Variants in RTTN observed in about 807,000 individuals in gnomAD.
RTTN encodes rotatin.
In RTTN, 182 loss-of-function variants were observed where a neutral mutation model predicts 269.2. The ratio of observed to expected loss-of-function variants is 0.68; its 90% CI spans 0.60 to 0.76. The LOEUF (loss-of-function observed/expected upper bound fraction) is 0.76, where lower values mean the gene tolerates loss of function less well. Among genes scored for constraint, RTTN ranks in the 30% least tolerant of loss-of-function variants. The pLI, the probability that RTTN is intolerant of heterozygous loss-of-function variation, is 0.00. For missense variants in RTTN, 2,545 were observed against 2,608.6 expected (o/e 0.98, Z 0.53); for synonymous variants, 1,006 against 963.5 (o/e 1.04, Z -0.82).
chr18:70,150,378 G>A (rs751667346), intron 15 of RTTN, among the ~76,000 whole-genome samples: 9 of 152,112 alleles, frequency 5.9e-5, no homozygotes, highest in Admixed American at 2.0e-4. Context: ...GATGAAAAAT[G>A]TAAGTAAACT....
chr18:70,050,273 A>G (rs2057621670), intron 39 of RTTN, among the ~76,000 whole-genome samples: 1 of 152,252 alleles, frequency 6.6e-6, no homozygotes, highest in South Asian at 2.1e-4. Flanking sequence ...GGATACGAAC[A>G]GACACTTCTC....
chr18:70,160,279 A>T (rs1235912537), intron 14 of RTTN, among the ~76,000 whole-genome samples: 1 of 152,138 alleles, frequency 6.6e-6, no homozygotes, highest in Non-Finnish European at 1.5e-5. Context: ...TTGATTCAAC[A>T]TATGCAAATC....
At chr18:70,135,431 T>C (rs1187711414) in intron 21 of RTTN, 151 bp from the exon 22 acceptor site, 5 of 541,464 alleles carry the variant, frequency 9.2e-6, no homozygotes, top group Admixed American at 7.7e-5. Context: ...CTCAAACTTG[T>C]GGATGTACAA....
At chr18:70,024,511 C>A (rs922485816) in intron 44 of RTTN, among the ~76,000 whole-genome samples, 2 of 152,182 alleles carry the variant, frequency 1.3e-5, no homozygotes, top group East Asian at 1.9e-4. Flanking sequence ...CTATTCCCTG[C>A]GCTGCCAATG....
At position 70,003,109 on chromosome 18, in the gene RTTN, T is replaced by G. The variant is rs1285163351; in HGVS notation, c.*1042A>C. 1 of 139,870 alleles carries G rather than the reference T, an allele frequency of 7.1e-6. No individual in the cohort carries two copies. The highest frequency in any genetic ancestry group is 1.5e-5 in the Non-Finnish European group (1 of 65,772). The allele number at this position is 139,870 out of a possible 1,614,324, so 8.7% of individuals were successfully genotyped here. A position where few individuals can be genotyped will look rare whatever the true frequency, so the allele number is the denominator to read the frequency against. On this transcript the variant is annotated 3_prime_UTR_variant, in exon 49 of 49. Transcript: ENST00000640769. The stretch of plus-strand genomic sequence containing the variant: ...TGGAATGCAGTGGCATGATCTCAGC[T>G]CACTGCAACCTCCCTGCCTCCCAGG...
rs553439133 is a variant in RTTN at position 70,109,258 on chromosome 18, G to A, written c.3903+240C>T. Among the ~76,000 whole-genome samples the A allele has an allele frequency of 1.1e-4, 17 of 152,174 alleles. No homozygotes were observed. In the East Asian group the frequency reaches 1.4e-3, roughly 12 times the overall value. On this transcript the variant is annotated intron_variant, in intron 28 of 48. Coordinates refer to ENST00000640769, the MANE Select transcript of RTTN (RefSeq NM_173630.4). ...AATCCAAAATCTGAAATGCTCTAGC[G>A]AACACTTCCTTTGAGCATCAAAAGT...
intron 14 of RTTN, among the ~76,000 whole-genome samples, chr18:70,151,693 A>G (rs1313966978): frequency 1.3e-5 from 2 of 152,146 alleles, no homozygotes; most frequent in Admixed American, 6.6e-5. Context: ...GCTGTCACCT[A>G]CTTCCTTAAG....
intron 40 of RTTN, among the ~76,000 whole-genome samples, chr18:70,044,330 G>C (rs1332025756): frequency 1.3e-5 from 2 of 152,022 alleles, no homozygotes; most frequent in African/African-American, 4.8e-5. Flanking sequence ...CAAATATAAG[G>C]AGCAAAATTA....
chr18:70,067,981 T>C (rs1408112754), intron 34 of RTTN, among the ~76,000 whole-genome samples: 1 of 152,210 alleles, frequency 6.6e-6, no homozygotes, highest in African/African-American at 2.4e-5. Flanking sequence ...CCCCATGTGG[T>C]TGGGGAAACA....
chr18:70,136,904 T>C (rs2060137493), intron 21 of RTTN, among the ~76,000 whole-genome samples: 1 of 152,058 alleles, frequency 6.6e-6, no homozygotes, highest in South Asian at 2.1e-4. Context: ...TGCAGTAGTT[T>C]TTAGGGTTTT....
At chr18:70,099,363 T>G (rs1230342356) in intron 28 of RTTN, among the ~76,000 whole-genome samples, 1 of 152,234 alleles carries the variant, frequency 6.6e-6, no homozygotes, top group Non-Finnish European at 1.5e-5. Flanking sequence ...ATGTGTCTGT[T>G]GGCTGCATAA....
intron 11 of RTTN, among the ~76,000 whole-genome samples, chr18:70,170,411 A>C (rs74669318): frequency 6.6e-6 from 1 of 152,248 alleles, no homozygotes; most frequent in African/African-American, 2.4e-5. Flanking sequence ...GGAACAGAGA[A>C]GTAATGGGGA....
Position 70,028,777 on chromosome 18 carries a change from T to A in RTTN, c.5770A>T (p.Ser1924Cys). 6.2e-7 allele frequency: 1 copy of A among 1,611,684 alleles called. No homozygotes were observed. The highest frequency in any genetic ancestry group is 1.7e-4 in the Middle Eastern group (1 of 6,022). ...TTTCTTAGGAGCTGCATGGCAATGC[T>A]TAACTCTTTAATAACACCATCCTCC... ...KKEDGVIKEL[S>C]IAMQLLRNCL... Residue 1924 changes from serine (S) to cysteine (C), a missense_variant, in exon 43 of 49, where the codon AGC (serine) becomes TGC (cysteine). Coordinates refer to ENST00000640769, the MANE Select transcript of RTTN (RefSeq NM_173630.4).
chr18:70,205,030 T>G (rs781554281), intron 2 of RTTN, 98 bp downstream of exon 2: 29 of 1,267,122 alleles, frequency 2.3e-5, no homozygotes, highest in Non-Finnish European at 3.0e-5. Flanking sequence ...AAAAAAACTT[T>G]TAACCCCAAT....
At chr18:70,097,095 A>G (rs1307138199) in intron 28 of RTTN, among the ~76,000 whole-genome samples, 1 of 152,152 alleles carries the variant, frequency 6.6e-6, no homozygotes, top group African/African-American at 2.4e-5. Context: ...TTTCAACTTG[A>G]TATTTTTGTC....
intron 11 of RTTN, among the ~76,000 whole-genome samples, chr18:70,170,999 C>G (rs1171467187): frequency 6.6e-6 from 1 of 151,792 alleles, no homozygotes; most frequent in Non-Finnish European, 1.5e-5. Flanking sequence ...ATAGGAAGAA[C>G]ATATTTGGAA....
chr18:70,072,417 G>A (rs1022712804), intron 34 of RTTN, among the ~76,000 whole-genome samples: 1 of 151,828 alleles, frequency 6.6e-6, no homozygotes. Flanking sequence ...ACTTTAATTG[G>A]GGTGCTTCTT....
intron 46 of RTTN, among the ~76,000 whole-genome samples, chr18:70,013,502 G>T (rs1443730650): frequency 6.6e-6 from 1 of 151,892 alleles, no homozygotes; most frequent in Non-Finnish European, 1.5e-5. Context: ...AAATGTTATT[G>T]TGAAACATGC....
At chr18:70,164,530 T>TTA (rs1321903852) in intron 14 of RTTN, among the ~76,000 whole-genome samples, 1 of 143,478 alleles carries the variant, frequency 7.0e-6, no homozygotes, top group African/African-American at 2.5e-5. Flanking sequence ...AAATTTTATG[T>TTA]TATATATACA....
Sources: allele counts gnomAD v4.1 joint callset (sites outside exome capture counted in the v4.1 genomes callset), GRCh38; gene constraint gnomAD v4.1.1; transcripts MANE v1.5; gene names NCBI Gene and HGNC (gene_info 2026-07-23, HGNC 2026-07-21).